Variants in RELCH observed in about 807,000 individuals in gnomAD.
The protein encoded by RELCH is RAB11 binding and LisH domain, coiled-coil and HEAT repeat containing, also known as RAB11-binding protein RELCH.
RELCH carries 41 observed loss-of-function variants against 150.3 expected under a neutral mutation model. The ratio of observed to expected loss-of-function variants is 0.27; its 90% confidence interval spans 0.21 to 0.35. The LOEUF (loss-of-function observed/expected upper bound fraction) is 0.35, where lower values mean the gene tolerates loss of function less well. Among genes scored for constraint, RELCH ranks in the 10% least tolerant of loss-of-function variants. RELCH has a pLI of 1.00. For missense variants in RELCH, 1,092 were observed against 1,467.8 expected, an observed-to-expected ratio of 0.74 and a Z score of 4.18; for synonymous variants, 478 against 531.8, an observed-to-expected ratio of 0.90 and a Z score of 1.39.
rs2043408281 is a variant in RELCH, at chr18:62,263,924, A to G, written c.2351-65A>G. On this transcript the variant is annotated intron_variant, in intron 16 of 28. Transcript: ENST00000644646. ...GAGAAAGGACCTTATTTTCCTTTCA[A>G]CAGAATATCTAAGTTCCCAAAATGC... The G allele has an allele frequency of 1.1e-5, 14 of 1,329,138 alleles. No homozygotes were observed. In the South Asian group the frequency reaches 1.8e-4, roughly 17 times the overall value. The allele number at this position is 1,329,138 out of a possible 1,614,324, so 82.3% of individuals were successfully genotyped here. A position where few individuals can be genotyped will look rare whatever the true frequency, so the allele number is the denominator to read the frequency against.
chr18:62,202,934 A>G (rs1568306040), intron 1 of RELCH, among the ~76,000 whole-genome samples: 1 of 152,304 alleles, frequency 6.6e-6, no homozygotes, highest in African/African-American at 2.4e-5. Context: ...AAAGTTCACC[A>G]TTGAGTGTAC....
At chr18:62,202,809 A>G (rs1342064533) in intron 1 of RELCH, among the ~76,000 whole-genome samples, 2 of 152,236 alleles carry the variant, frequency 1.3e-5, no homozygotes, top group African/African-American at 2.4e-5. Context: ...ACAGATGGAT[A>G]CCTAATAAGA....
Position 62,221,392 on chromosome 18 carries a change from C to A in RELCH, c.753C>A (p.Ile251=). ...TCTTATTTTGCTTCCAGGAGCCAAT[C>A]AAACCTCTTGAAAAGAGAGCTCTAA... The part of the protein sequence containing the change: ...YKSSPEIQEP[I]KPLEKRALNF... Residue 251 remains isoleucine, a synonymous_variant, in exon 5 of 29, where the codon ATC becomes ATA. Coordinates refer to ENST00000644646, the MANE Select transcript of RELCH (RefSeq NM_001346231.2). 1 of 1,599,008 alleles carries A rather than the reference C, an allele frequency of 6.3e-7. No homozygotes were observed. Among genetic ancestry groups the A allele is most frequent in the South Asian group, 1.1e-5 (1 of 90,230 alleles).
At chr18:62,252,615 G>T in intron 11 of RELCH, 49 bp from the exon 12 acceptor site, 3 of 1,399,612 alleles carry the variant, frequency 2.1e-6, no homozygotes, top group African/African-American at 1.4e-5. Context: ...CTTAGTCCTA[G>T]TTGTGCTTTC....
chr18:62,235,288 T>C (rs1375713536), intron 10 of RELCH: 1 of 152,110 alleles, frequency 6.6e-6, no homozygotes, highest in East Asian at 1.9e-4. Flanking sequence ...ATTCTTCGGG[T>C]TTATTTCTGG....
chr18:62,242,798 T>C (rs923946494), intron 10 of RELCH, among the ~76,000 whole-genome samples: 1 of 152,088 alleles, frequency 6.6e-6, no homozygotes, highest in Non-Finnish European at 1.5e-5. Flanking sequence ...TGTATGCTTG[T>C]TTTTGAGATA....
Position 62,232,439 on chromosome 18 carries a change from G to A in RELCH, c.1620+12G>A, listed in dbSNP as rs145829893. 1,025 of 1,541,892 alleles carry A rather than the reference G, an allele frequency of 6.6e-4. 8 individuals carry two copies. The African/African-American group carries it at 0.012, about 18-fold the overall frequency. Reference sequence around the variant, plus strand: ...TGGCAAAGAGAGAGGTAAGACACATGAAAGTATTTTCGTCCCAGTAATCCC... The same window carrying A: ...TGGCAAAGAGAGAGGTAAGACACATAAAAGTATTTTCGTCCCAGTAATCCC... On this transcript the variant is annotated intron_variant, in intron 10 of 28. Transcript: ENST00000644646.
chr18:62,193,284 T>C (rs1018106685), intron 1 of RELCH, among the ~76,000 whole-genome samples: 1 of 151,998 alleles, frequency 6.6e-6, no homozygotes, highest in Non-Finnish European at 1.5e-5. Context: ...GACAGTGGGG[T>C]TTTCTAGATA....
chr18:62,229,518 G>GTGTGTGTGTCTGTCTGTC (rs539055675), intron 8 of RELCH, among the ~76,000 whole-genome samples: 9 of 147,646 alleles, frequency 6.1e-5, no homozygotes, highest in South Asian at 4.5e-4. Context: ...GTGTGTGTGT[G>GTGTGTGTGTCTGTCTGTC]TGTCTGTCTG....
chr18:62,231,210 T>G lies in RELCH; in HGVS notation c.1465T>G (p.Phe489Val). ...DKPNRKLSPA[F>V]HQALLSFCRM... ...TTCTTCTAGGAAATTGTCTCCTGCA[T>G]TCCATCAAGCACTACTCTCTTTTTG... is the stretch of plus-strand genomic sequence containing the variant. The change falls in exon 9 of 29, where the codon TTC (phenylalanine) becomes GTC (valine). Residue 489 changes from phenylalanine (F) to valine (V), a missense_variant. Transcript: ENST00000644646. The G allele has an allele frequency of 6.2e-7, 1 of 1,603,070 alleles. No homozygotes were observed. Among genetic ancestry groups the G allele is most frequent in the Non-Finnish European group, 8.5e-7 (1 of 1,171,924 alleles).
At chr18:62,220,854 C>G in intron 2 of RELCH, 183 bp from the exon 3 acceptor site, 1 of 616,104 alleles carries the variant, frequency 1.6e-6, no homozygotes, top group Non-Finnish European at 2.9e-6. Context: ...AAAACATTCA[C>G]CAGTTTGCTT....
chr18:62,258,081 A>T lies in RELCH; in HGVS notation c.2030A>T (p.Tyr677Phe), dbSNP rs1311528185. The T allele has an allele frequency of 6.3e-7, 1 of 1,598,388 alleles. No individual in the cohort carries two copies. Among genetic ancestry groups the T allele is most frequent in the Admixed American group, 1.7e-5 (1 of 57,260 alleles). Residue 677 changes from tyrosine (Y) to phenylalanine (F), a missense_variant, in exon 14 of 29, where the codon TAT (tyrosine) becomes TTT (phenylalanine). Coordinates refer to ENST00000644646, the MANE Select transcript of RELCH (RefSeq NM_001346231.2). ...GGATACATTGATGATCCAGACAAATATCATCAGGTATGTTTTTCAGAATGA... is the reference window on the plus strand; with the variant it reads ...GGATACATTGATGATCCAGACAAATTTCATCAGGTATGTTTTTCAGAATGA... ...IMGYIDDPDK[Y>F]HQGFELLLSA...
chr18:62,275,914 A>T (rs1600198837), intron 22 of RELCH, among the ~76,000 whole-genome samples: 1 of 152,170 alleles, frequency 6.6e-6, no homozygotes, highest in South Asian at 2.1e-4. Context: ...GGTTACTCCT[A>T]CGTCACTATT....
At position 62,287,476 on chromosome 18, in the gene RELCH, G is replaced by T. The variant is rs778511854; in HGVS notation, c.3370+9G>T. On this transcript the variant is annotated intron_variant, in intron 26 of 28. Transcript: ENST00000644646. The stretch of plus-strand genomic sequence containing the variant: ...TGCACTTTCCTGTTGTTGTATCCTT[G>T]TTTTATTAAGGTGTATCTACATTTA... 4 of 1,367,278 alleles carry T rather than the reference G, an allele frequency of 2.9e-6. No individual in the cohort carries two copies. The highest frequency in any genetic ancestry group is 3.1e-6 in the Non-Finnish European group (3 of 958,792). 84.7% of individuals were successfully genotyped at this position (1,367,278 alleles called of 1,614,324 possible).
At chr18:62,303,240 T>C (rs1308653587) in intron 28 of RELCH, among the ~76,000 whole-genome samples, 1 of 152,148 alleles carries the variant, frequency 6.6e-6, no homozygotes, top group Non-Finnish European at 1.5e-5. Flanking sequence ...TCAGAAGTAC[T>C]GGATTAGGCC....
At chr18:62,203,475 G>C (rs2039579599) in intron 1 of RELCH, among the ~76,000 whole-genome samples, 2 of 151,996 alleles carry the variant, frequency 1.3e-5, no homozygotes, top group Admixed American at 6.6e-5. Flanking sequence ...GAATGTCCAA[G>C]CTCACTAGAA....
At chr18:62,245,378 C>G (rs917728456) in intron 11 of RELCH, among the ~76,000 whole-genome samples, 4 of 152,150 alleles carry the variant, frequency 2.6e-5, no homozygotes, top group Non-Finnish European at 4.4e-5. Context: ...AATCCCAGGA[C>G]TTTGGGAGGC....
chr18:62,188,236 G>A (rs2038299029), intron 1 of RELCH, among the ~76,000 whole-genome samples: 2 of 152,186 alleles, frequency 1.3e-5, no homozygotes, highest in South Asian at 2.1e-4. Context: ...CTTGGCTGGT[G>A]TTGCACTTGG....
chr18:62,232,454 C>A, intron 10 of RELCH, 27 bp downstream of exon 10: 2 of 1,313,766 alleles, frequency 1.5e-6, no homozygotes, highest in Non-Finnish European at 2.2e-6. Context: ...TATTTTCGTC[C>A]CAGTAATCCC....
Sources: gnomAD v4.1 joint callset for allele counts (sites outside exome capture counted in the v4.1 genomes callset) on GRCh38, gnomAD v4.1.1 for gene constraint, MANE v1.5 for transcripts, NCBI Gene and HGNC (gene_info 2026-07-23, HGNC 2026-07-21) for gene names.